ZMYM1: variants seen among roughly 807,000 people sequenced by gnomAD.
ZMYM1 encodes zinc finger MYM-type protein 1.
In ZMYM1, 39 loss-of-function variants were observed where a neutral mutation model predicts 60.0. The ratio of observed to expected loss-of-function variants is 0.65; its 90% confidence interval spans 0.50 to 0.85. The LOEUF is 0.85. ZMYM1 is among the 40% of genes least tolerant of loss of function. The pLI is 0.00. For synonymous variants in ZMYM1, 413 were observed against 454.0 expected, an observed-to-expected ratio of 0.91 and a Z score of 1.15; for missense variants, 1,171 against 1,309.5, an observed-to-expected ratio of 0.89 and a Z score of 1.63.
chr1:35,116,883 G>A (rs1396160029), downstream of ZMYM1, among the ~76,000 whole-genome samples: 4 of 108,782 alleles, frequency 3.7e-5, no homozygotes, highest in Non-Finnish European at 6.7e-5. Context: ...TCGCTCTGTC[G>A]CCCAGGCGGG....
rs753656595 is a variant in ZMYM1 at position 35,115,170 on chromosome 1, G to A, written c.3340G>A (p.Val1114Ile). Residue 1114 changes from valine (V) to isoleucine (I), a missense_variant, in exon 10 of 10, where the codon GTT becomes ATT. By Grantham distance (29) the Val-to-Ile change is conservative (BLOSUM62 3). Transcript: ENST00000359858. ...GCTTACTGGCCCAGCCCTAATGGCT[G>A]TTGAGCAGGAGTTGGTAAATAAACT... ...EKLTGPALMA[V>I]EQELVNKLME... The A allele has an allele frequency of 6.2e-7, 1 of 1,613,914 alleles. No homozygotes were observed. Among genetic ancestry groups the A allele is most frequent in the Non-Finnish European group, 8.5e-7 (1 of 1,179,932 alleles).
intron 1 of ZMYM1, 30 bp from the exon 2 acceptor site, chr1:35,093,884 A>T (rs1011093316): frequency 1.7e-5 from 14 of 804,912 alleles, no homozygotes; most frequent in Admixed American, 6.0e-5. Context: ...TAATTTTAAA[A>T]TCAAACTCTT....
chr1:35,073,752 T>C (rs1283308148), intron 1 of ZMYM1, among the ~76,000 whole-genome samples: 1 of 152,142 alleles, frequency 6.6e-6, no homozygotes, highest in Non-Finnish European at 1.5e-5. Flanking sequence ...CATTTTTTGG[T>C]AGGAACTTCC....
Position 35,113,696 on chromosome 1 carries a change from C to T in ZMYM1, c.1866C>T (p.Ile622=), listed in dbSNP as rs749626486. Residue 622 remains isoleucine (I), a synonymous_variant, in exon 10 of 10, where the codon ATC becomes ATT. Coordinates refer to ENST00000359858, the MANE Select transcript of ZMYM1 (RefSeq NM_024772.5). ...YNSTQIQSDI[I]EIIKTEMLQD... Reference sequence around the variant, plus strand: ...GTACACAAATTCAAAGTGATATTATCGAAATAATAAAGACTGAAATGTTGC... The same window carrying T: ...GTACACAAATTCAAAGTGATATTATTGAAATAATAAAGACTGAAATGTTGC... The T allele has an allele frequency of 1.3e-5, 21 of 1,613,276 alleles. No individual in the cohort carries two copies. In the East Asian group the frequency reaches 1.8e-4, roughly 14 times the overall value.
chr1:35,099,859 T>C (rs562186772), intron 4 of ZMYM1, among the ~76,000 whole-genome samples: 1 of 152,010 alleles, frequency 6.6e-6, no homozygotes, highest in African/African-American at 2.4e-5. Flanking sequence ...GCCACCGTGC[T>C]GATTTTCAGT....
intron 2 of ZMYM1, among the ~76,000 whole-genome samples, 197 bp from the exon 3 acceptor site, chr1:35,095,622 A>C (rs892480543): frequency 2.0e-5 from 3 of 152,142 alleles, no homozygotes; most frequent in Non-Finnish European, 2.9e-5. Context: ...TACCATAGAA[A>C]ATAATGTATT....
At chr1:35,094,928 A>G (rs1349792257) in intron 2 of ZMYM1, among the ~76,000 whole-genome samples, 1 of 152,144 alleles carries the variant, frequency 6.6e-6, no homozygotes, top group Non-Finnish European at 1.5e-5. Flanking sequence ...ATCACTAAAA[A>G]GGGTAATTTA....
chr1:35,117,952 A>C (rs915247313), downstream of ZMYM1, among the ~76,000 whole-genome samples: 1 of 152,010 alleles, frequency 6.6e-6, no homozygotes, highest in Non-Finnish European at 1.5e-5. Flanking sequence ...AAAAAGAGAG[A>C]AAATAGGCTG....
chr1:35,072,108 T>C (rs1642078260), intron 1 of ZMYM1, among the ~76,000 whole-genome samples: 1 of 152,198 alleles, frequency 6.6e-6, no homozygotes, highest in Non-Finnish European at 1.5e-5. Flanking sequence ...CATTCCAGCC[T>C]GGGCAATAAG....
At chr1:35,106,783 CT>C (rs894307717) in intron 6 of ZMYM1, among the ~76,000 whole-genome samples, 19 of 151,194 alleles carry the variant, frequency 1.3e-4, no homozygotes, top group African/African-American at 3.2e-4. Context: ...AATAATATTC[CT>C]TTTTTTTTCT....
chr1:35,064,454 T>C (rs1641933267), intron 1 of ZMYM1, among the ~76,000 whole-genome samples: 2 of 151,862 alleles, frequency 1.3e-5, no homozygotes, highest in Admixed American at 6.6e-5. Flanking sequence ...AACAATTGGA[T>C]CTAATTTACA....
rs146516874 is a variant in ZMYM1 at position 35,111,872 on chromosome 1, C to T, written c.1062C>T (p.Thr354=). ...VISNIVSLAD[T]DVALPIMNTD... ...GCAATATAGTGTCATTGGCAGACAC[C>T]GATGTTGCCTTGCCCATCATGAACA... Residue 354 remains threonine (T), a synonymous_variant, in exon 8 of 10, where the codon ACC becomes ACT. Transcript: ENST00000359858. 41 of 1,603,382 alleles carry T rather than the reference C, an allele frequency of 2.6e-5. No homozygotes were observed. The East Asian group carries it at 7.4e-4, about 29-fold the overall frequency.
chr1:35,102,293 G>A (rs1220646387), intron 4 of ZMYM1, among the ~76,000 whole-genome samples: 1 of 152,120 alleles, frequency 6.6e-6, no homozygotes, highest in Non-Finnish European at 1.5e-5. Flanking sequence ...GTGGATCAGT[G>A]AACTTTTTGC....
chr1:35,099,823 C>T lies in ZMYM1; in HGVS notation c.419+2257C>T, dbSNP rs146118582. On this transcript the variant is annotated intron_variant, in intron 4 of 9. Transcript: ENST00000359858. ...CAAGTGATCCTCCTGCCTTGGTCTC[C>T]CAAAGTGCCGGGATTACAGGTGTGA... Among the ~76,000 whole-genome samples the T allele has an allele frequency of 8.5e-5, 13 of 152,224 alleles. No homozygotes were observed. The East Asian group carries it at 2.3e-3, about 27-fold the overall frequency.
At chr1:35,070,279 GT>G (rs1642043656) in intron 1 of ZMYM1, among the ~76,000 whole-genome samples, 1 of 151,924 alleles carries the variant, frequency 6.6e-6, no homozygotes, top group African/African-American at 2.4e-5. Context: ...ATGTTTTATG[GT>G]TTTCCATGTA....
intron 1 of ZMYM1, among the ~76,000 whole-genome samples, chr1:35,081,390 T>G (rs12048974): frequency 0.88 from 133,618 of 151,282 alleles, 59,228 homozygotes; most frequent in Non-Finnish European, 0.93. Context: ...TTTTTTTTGA[T>G]ATTGTCTTGG....
intron 4 of ZMYM1, among the ~76,000 whole-genome samples, chr1:35,100,034 G>A (rs1172824584): frequency 6.6e-6 from 1 of 152,144 alleles, no homozygotes; most frequent in Non-Finnish European, 1.5e-5. Context: ...GGGATTACAG[G>A]CGTGTGCCAC....
Position 35,094,028 on chromosome 1 carries a change from T to TG in ZMYM1, c.43dup (p.Ala15GlyfsTer9), listed in dbSNP as rs1416628079. On this transcript the variant is annotated frameshift_variant, in exon 2 of 10. Coordinates refer to ENST00000359858, the MANE Select transcript of ZMYM1 (RefSeq NM_024772.5). LOFTEE classifies it high-confidence loss of function. ...TTAGGTGGTGAGTGTGACAAGGCAG[T>TG]GGCATCACAGCTGGGGCTGCTAGAT... The TG allele has an allele frequency of 6.2e-7, 1 of 1,611,222 alleles. No homozygotes were observed. Among genetic ancestry groups the TG allele is most frequent in the South Asian group, 1.1e-5 (1 of 90,754 alleles).
At chr1:35,068,829 C>T (rs1642021120) in intron 1 of ZMYM1, among the ~76,000 whole-genome samples, 1 of 151,688 alleles carries the variant, frequency 6.6e-6, no homozygotes, top group South Asian at 2.1e-4. Flanking sequence ...AAATGGAAGT[C>T]CTTTTTTTCT....
Sources: gnomAD v4.1 joint callset for allele counts (sites outside exome capture counted in the v4.1 genomes callset) on GRCh38, gnomAD v4.1.1 for gene constraint, MANE v1.5 for transcripts, NCBI Gene and HGNC (gene_info 2026-07-23, HGNC 2026-07-21) for gene names.